SELENOI: variants seen among roughly 807,000 people sequenced by gnomAD.
The protein encoded by SELENOI is ethanolaminephosphotransferase 1.
In SELENOI, 24 loss-of-function variants were observed where a neutral mutation model predicts 50.7. That is an observed-to-expected ratio of 0.47 (90% CI 0.34 to 0.67). SELENOI has a LOEUF of 0.67. Among genes scored for constraint, SELENOI ranks in the 30% least tolerant of loss-of-function variants. The pLI is 0.01. For missense variants in SELENOI, 352 were observed against 461.4 expected (o/e 0.76, Z 2.17); for synonymous variants, 155 against 170.2 (o/e 0.91, Z 0.70).
intron 1 of SELENOI, among the ~76,000 whole-genome samples, chr2:26,357,791 G>C (rs1042883905): frequency 2.8e-4 from 42 of 152,250 alleles, no homozygotes; most frequent in African/African-American, 9.9e-4. Flanking sequence ...GCAGTGTCTT[G>C]CTTTGTTGCT....
rs1006113934 is a variant in SELENOI, at chr2:26,381,499, T to A, written c.683-1800T>A. On this transcript the variant is annotated intron_variant, in intron 6 of 9. Coordinates refer to ENST00000260585, the MANE Select transcript of SELENOI (RefSeq NM_033505.4). Reference sequence around the variant, plus strand: ...CCGGCTTTCTACATGCTCACTATACTTGAGATAGTTATTTCAAGATTTTTA... The same window carrying A: ...CCGGCTTTCTACATGCTCACTATACATGAGATAGTTATTTCAAGATTTTTA... Among the ~76,000 whole-genome samples the A allele has an allele frequency of 2.0e-5, 3 of 152,280 alleles. No homozygotes were observed. In the East Asian group the frequency reaches 5.8e-4, roughly 29 times the overall value.
intron 1 of SELENOI, among the ~76,000 whole-genome samples, chr2:26,352,260 G>A (rs1228890435): frequency 6.6e-6 from 1 of 152,156 alleles, no homozygotes; most frequent in African/African-American, 2.4e-5. Context: ...ATTTTAGGAA[G>A]CTCACTCTGG....
rs766402419 is a variant in SELENOI, at chr2:26,346,154, C to G, written c.-79C>G. ...GCAGCCCAGTCTTTGCCATCCTTGCCCAGCCGGTGTGGTGCTTGTGTGTCA... is the reference window on the plus strand; with the variant it reads ...GCAGCCCAGTCTTTGCCATCCTTGCGCAGCCGGTGTGGTGCTTGTGTGTCA... On this transcript the variant is annotated 5_prime_UTR_variant, in exon 1 of 10. Coordinates refer to ENST00000260585, the MANE Select transcript of SELENOI (RefSeq NM_033505.4). 2 of 1,608,684 alleles carry G rather than the reference C, an allele frequency of 1.2e-6. No individual in the cohort carries two copies. Among genetic ancestry groups the G allele is most frequent in the Non-Finnish European group, 8.5e-7 (1 of 1,177,708 alleles).
intron 1 of SELENOI, among the ~76,000 whole-genome samples, chr2:26,356,113 G>C (rs1341365075): frequency 5.9e-5 from 9 of 152,144 alleles, no homozygotes; most frequent in Admixed American, 5.9e-4. Flanking sequence ...TTCTGTCCTA[G>C]GGTTAATTAT....
chr2:26,359,142 T>C (rs1051539932), intron 1 of SELENOI, among the ~76,000 whole-genome samples: 3 of 152,218 alleles, frequency 2.0e-5, no homozygotes, highest in Non-Finnish European at 2.9e-5. Flanking sequence ...TATGTATTTG[T>C]TGCAAAGACC....
intron 4 of SELENOI, among the ~76,000 whole-genome samples, chr2:26,368,085 A>G (rs1405199478): frequency 6.6e-6 from 1 of 152,202 alleles, no homozygotes; most frequent in African/African-American, 2.4e-5. Context: ...CCTGACTTCA[A>G]GTTGCTTAGA....
intron 4 of SELENOI, among the ~76,000 whole-genome samples, chr2:26,371,758 G>T (rs1558417677): frequency 6.6e-6 from 1 of 152,260 alleles, no homozygotes; most frequent in African/African-American, 2.4e-5. Flanking sequence ...GCACTCCGCA[G>T]GCTGAGGCAG....
At chr2:26,361,814 C>T (rs560508696) in intron 1 of SELENOI, among the ~76,000 whole-genome samples, 1 of 152,212 alleles carries the variant, frequency 6.6e-6, no homozygotes, top group East Asian at 1.9e-4. Context: ...CCACCACACC[C>T]GACTAATTTG....
At chr2:26,375,422 A>G (rs908660911) in intron 6 of SELENOI, among the ~76,000 whole-genome samples, 1 of 152,246 alleles carries the variant, frequency 6.6e-6, no homozygotes, top group Non-Finnish European at 1.5e-5. Context: ...AAATTAACCT[A>G]GGCTGTATTG....
Position 26,346,278 on chromosome 2 carries a change from G to T in SELENOI, c.46G>T (p.Asp16Tyr). ...YVSPEQLAGF[D>Y]KYKYSAVDTN... ...GAGCCCGGAGCAGCTGGCTGGCTTTGATAAGTACAAGGTACCGCGGGCCGG... is the reference window on the plus strand; with the variant it reads ...GAGCCCGGAGCAGCTGGCTGGCTTTTATAAGTACAAGGTACCGCGGGCCGG... Residue 16 changes from aspartate (D) to tyrosine (Y), a missense_variant, in exon 1 of 10, where the codon GAT becomes TAT. By Grantham distance (160) the Asp-to-Tyr change is radical. Coordinates refer to ENST00000260585, the MANE Select transcript of SELENOI (RefSeq NM_033505.4). The T allele has an allele frequency of 6.2e-7, 1 of 1,613,528 alleles. No homozygotes were observed. Among genetic ancestry groups the T allele is most frequent in the Non-Finnish European group, 8.5e-7 (1 of 1,179,568 alleles).
In SELENOI at chr2:26,384,970, A is replaced by C. The variant is rs1290849812; in HGVS notation, c.743A>C (p.Asn248Thr). 6 of 1,601,678 alleles carry C rather than the reference A, an allele frequency of 3.7e-6. No homozygotes were observed. The highest frequency in any genetic ancestry group is 3.4e-6 in the Non-Finnish European group (4 of 1,176,398). Residue 248 changes from asparagine to threonine, a missense_variant, in exon 8 of 10, where the codon AAT (asparagine) becomes ACT (threonine). Transcript: ENST00000260585. ...SLLNFFRSYK[N>T]NTLKLNSVYE... ...ATTTTTTTTTCCAGAAGCTATAAAA[A>C]TAACACCTTGAAACTCAATTCAGTC... is the stretch of plus-strand genomic sequence containing the variant.
At position 26,392,774 on chromosome 2, in the gene SELENOI, C is replaced by T. The variant is rs1677999333; in HGVS notation, c.*3671C>T. 6.6e-6 allele frequency: 1 copy of T among 152,220 alleles called. No individual in the cohort carries two copies. The highest frequency in any genetic ancestry group is 2.1e-4 in the South Asian group (1 of 4,834). 9.4% of individuals were successfully genotyped at this position (152,220 alleles called of 1,614,324 possible). On this transcript the variant is annotated 3_prime_UTR_variant, in exon 10 of 10. Transcript: ENST00000260585. ...TGTGTTCAGAGTGGCCTTATCTTGA[C>T]CTCAGTTCTGGATTTAAGTACTCTA...
At chr2:26,359,820 T>C (rs1677137850) in intron 1 of SELENOI, among the ~76,000 whole-genome samples, 1 of 152,160 alleles carries the variant, frequency 6.6e-6, no homozygotes, top group South Asian at 2.1e-4. Flanking sequence ...TTTTTGGTGA[T>C]CTGAGGCCTG....
At position 26,373,511 on chromosome 2, in the gene SELENOI, G is replaced by A. The variant is rs2147955884; in HGVS notation, c.455G>A (p.Ser152Asn). The change falls in exon 5 of 10, where the codon AGT becomes AAT. Residue 152 changes from serine to asparagine, a missense_variant. Transcript: ENST00000260585. ...TTTGGAAGAGGATCAACTGGTGTCA[G>A]TGTTTTTGTTCTTTATCTCCTGCTA... ...SIFGRGSTGVSVFVLYLLLWV... is the reference protein window; with the variant it reads ...SIFGRGSTGVNVFVLYLLLWV... The A allele has an allele frequency of 6.2e-7, 1 of 1,614,010 alleles. No individual in the cohort carries two copies. The highest frequency in any genetic ancestry group is 1.1e-5 in the South Asian group (1 of 91,080).
rs1472327321 is a variant in SELENOI at position 26,393,864 on chromosome 2, C to T, written c.*4761C>T. 6.6e-6 allele frequency: 1 copy of T among 152,196 alleles called. No individual in the cohort carries two copies. The highest frequency in any genetic ancestry group is 1.5e-5 in the Non-Finnish European group (1 of 68,040). The allele number at this position is 152,196 out of a possible 1,614,324, so 9.4% of individuals were successfully genotyped here. A position where few individuals can be genotyped will look rare whatever the true frequency, so the allele number is the denominator to read the frequency against. ...GCTAAATGCTGTGGATATTTCATGT[C>T]TGTTTGGCTAATGTCTTCTCTTGAG... is the stretch of plus-strand genomic sequence containing the variant. On this transcript the variant is annotated 3_prime_UTR_variant, in exon 10 of 10. Transcript: ENST00000260585.
At position 26,346,206 on chromosome 2, in the gene SELENOI, G is replaced by A. The variant is rs376862993; in HGVS notation, c.-27G>A. ...AGCCTTGTAGCCGGGAGTCGCTGCC[G>A]AGTGGGCGCTCAGTTTTCGGGTCGT... On this transcript the variant is annotated 5_prime_UTR_variant, in exon 1 of 10. Transcript: ENST00000260585. The A allele has an allele frequency of 2.5e-6, 4 of 1,613,464 alleles. No individual in the cohort carries two copies. The highest frequency in any genetic ancestry group is 1.1e-5 in the South Asian group (1 of 91,028).
At chr2:26,367,760 ACAGGGAGCGGT>A (rs1200251310) in intron 4 of SELENOI, among the ~76,000 whole-genome samples, 2 of 152,168 alleles carry the variant, frequency 1.3e-5, no homozygotes, top group African/African-American at 2.4e-5. Flanking sequence ...CTTTTTTGGT[ACAGGGAGCGGT>A]CAGGGAGTGG....
intron 1 of SELENOI, among the ~76,000 whole-genome samples, chr2:26,350,159 GT>G (rs1676926893): frequency 6.8e-6 from 1 of 147,240 alleles, no homozygotes; most frequent in Non-Finnish European, 1.5e-5. Context: ...TGATGAACTG[GT>G]TTTTGATATT....
intron 3 of SELENOI, among the ~76,000 whole-genome samples, chr2:26,366,746 A>G (rs1574755397): frequency 6.6e-6 from 1 of 152,220 alleles, no homozygotes. Flanking sequence ...TTAGCTAATT[A>G]ATAGTATAGG....
Sources: allele counts gnomAD v4.1 joint callset (sites outside exome capture counted in the v4.1 genomes callset), GRCh38; gene constraint gnomAD v4.1.1; transcripts MANE v1.5; gene names NCBI Gene and HGNC (gene_info 2026-07-23, HGNC 2026-07-21).